Variants in ELF4 observed in about 807,000 individuals in gnomAD.
ELF4 encodes E74 like ETS transcription factor 4.
ELF4 carries 10 observed loss-of-function variants against 31.7 expected under a neutral mutation model. The ratio of observed to expected loss-of-function variants is 0.32; its 90% CI spans 0.19 to 0.54. The LOEUF is 0.54. ELF4 is among the 20% of genes least tolerant of loss of function. The probability of loss-of-function intolerance (pLI) is 0.95; values close to 1 mark genes in which losing one functional copy is unlikely to be tolerated. For synonymous variants in ELF4, 208 were observed against 226.7 expected (o/e 0.92, Z 0.74); for missense variants, 418 against 522.0 (o/e 0.80, Z 1.94).
intron 7 of ELF4, among the ~76,000 whole-genome samples, chrX:130,070,265 G>A (rs768977065): frequency 2.6e-3 from 290 of 109,976 alleles, no homozygotes; most frequent in African/African-American, 9.2e-3. Flanking sequence ...GTGAAACCCC[G>A]TCTCTATTAA....
At chrX:130,067,562 G>C in intron 8 of ELF4, 37 bp from the exon 9 acceptor site, 2 of 1,175,996 alleles carry the variant, frequency 1.7e-6, no homozygotes, top group Non-Finnish European at 2.3e-6. Flanking sequence ...GTTAAGGCAG[G>C]AAGTGTCCCT....
chrX:130,101,735 G>C (rs1277552497), intron 1 of ELF4, among the ~76,000 whole-genome samples: 1 of 110,654 alleles, frequency 9.0e-6, no homozygotes, highest in East Asian at 2.8e-4. Flanking sequence ...GGAGGCAGAG[G>C]TTGCAGTGAG....
At chrX:130,105,558 G>A (rs1443581193) in intron 1 of ELF4, among the ~76,000 whole-genome samples, 1 of 111,857 alleles carries the variant, frequency 8.9e-6, no homozygotes, top group Non-Finnish European at 1.9e-5. Context: ...CTTCCTCCAT[G>A]TCCAGCCTTG....
chrX:130,092,735 G>A (rs1008541770), intron 1 of ELF4, among the ~76,000 whole-genome samples: 1 of 111,826 alleles, frequency 8.9e-6, no homozygotes, highest in African/African-American at 3.3e-5. Context: ...AATGAAGCAA[G>A]AGGATGAGAG....
intron 1 of ELF4, among the ~76,000 whole-genome samples, chrX:130,086,836 G>A (rs1932969167): frequency 8.9e-6 from 1 of 112,510 alleles, no homozygotes. Flanking sequence ...ACTGGCTCCA[G>A]AATACACAGG....
chrX:130,094,927 G>A (rs767211902), intron 1 of ELF4, among the ~76,000 whole-genome samples: 5 of 111,506 alleles, frequency 4.5e-5, no homozygotes, highest in Non-Finnish European at 9.4e-5. Context: ...GCCAGCTCAG[G>A]GTGAGCACTT....
chrX:130,089,733 G>T (rs1203779931), intron 1 of ELF4, among the ~76,000 whole-genome samples: 2 of 110,905 alleles, frequency 1.8e-5, no homozygotes, highest in African/African-American at 6.6e-5. Context: ...TTGTCTCCTG[G>T]CATCCTCAAA....
chrX:130,110,518 G>A (rs1228070603), upstream of ELF4: 1 of 108,242 alleles, frequency 9.2e-6, no homozygotes, highest in African/African-American at 3.3e-5. Context: ...CGCGGCGCCC[G>A]GTCGGTCCCC....
At chrX:130,091,435 T>C (rs1003328431) in intron 1 of ELF4, among the ~76,000 whole-genome samples, 8 of 111,559 alleles carry the variant, frequency 7.2e-5, no homozygotes. Flanking sequence ...CTCAAAAAAA[T>C]ATATATTTTT....
In ELF4 at chrX:130,066,570, CCA is replaced by C. The variant is rs1376649338; in HGVS notation, c.*149_*150del. On this transcript the variant is annotated 3_prime_UTR_variant, in exon 9 of 9. Transcript: ENST00000308167. ...GATGCTTAAGCTGGGCACTGTTTGG[CCA>C]CAGTGACACCAGGCAGGGCCGGGGG... The C allele has an allele frequency of 1.7e-6, 1 of 594,587 alleles. No individual in the cohort carries two copies. The highest frequency in any genetic ancestry group is 2.8e-6 in the Non-Finnish European group (1 of 363,152). The allele number at this position is 594,587 out of a possible 1,213,427, so 49.0% of individuals were successfully genotyped here.
intron 2 of ELF4, among the ~76,000 whole-genome samples, chrX:130,075,324 T>G (rs1932824705): frequency 9.7e-6 from 1 of 102,998 alleles, no homozygotes; most frequent in African/African-American, 3.6e-5. Flanking sequence ...TCGCCCAGGC[T>G]GGAGGGCAGT....
intron 1 of ELF4, among the ~76,000 whole-genome samples, chrX:130,084,656 G>A (rs1932935606): frequency 9.0e-6 from 1 of 111,501 alleles, no homozygotes; most frequent in Non-Finnish European, 1.9e-5. Context: ...AAGGGGTGGA[G>A]GGGGAGGAAG....
At chrX:130,080,172 A>G (rs1014222072) in intron 2 of ELF4, among the ~76,000 whole-genome samples, 3 of 111,585 alleles carry the variant, frequency 2.7e-5, no homozygotes, top group African/African-American at 9.8e-5. Flanking sequence ...CTGTAATCCT[A>G]GCAGTTTGGG....
chrX:130,081,304 G>T lies in ELF4; in HGVS notation c.27C>A (p.Asp9Glu), dbSNP rs774036747. The T allele has an allele frequency of 1.7e-6, 2 of 1,210,849 alleles. No individual in the cohort carries two copies. Among genetic ancestry groups the T allele is most frequent in the South Asian group, 1.8e-5 (1 of 56,913 alleles). MAITLQPS[D>E]LIFEFASNGM... The stretch of plus-strand genomic sequence containing the variant: ...CGTTGCTTGCGAACTCAAAGATCAG[G>T]TCACTGGGCTGTAGGGTAATAGCCA... The change falls in exon 2 of 9, where the codon GAC (aspartate) becomes GAA (glutamate). Residue 9 changes from aspartate to glutamate, a missense_variant. This residue lies in a region of ELF4 where 35 missense variants were observed against 76.4 expected (regional missense o/e 0.46). Coordinates refer to ENST00000308167, the MANE Select transcript of ELF4 (RefSeq NM_001421.4).
rs1932677971 is a variant in ELF4, at chrX:130,066,611, T to C, written c.*110A>G. 2.4e-6 allele frequency: 2 copies of C among 846,933 alleles called. No individual in the cohort carries two copies. Among genetic ancestry groups the C allele is most frequent in the Non-Finnish European group, 3.5e-6 (2 of 579,680 alleles). 69.8% of individuals were successfully genotyped at this position (846,933 alleles called of 1,213,427 possible). On this transcript the variant is annotated 3_prime_UTR_variant, in exon 9 of 9. Transcript: ENST00000308167. ...CAGGGCCGGGGGACTTGGGGTCAAG[T>C]GTATTGACATCCCACTGAAATGCAG...
In ELF4 at chrX:130,067,974, G is replaced by A. The variant is rs764293256; in HGVS notation, c.1188-449C>T. On this transcript the variant is annotated intron_variant, in intron 8 of 8. Coordinates refer to ENST00000308167, the MANE Select transcript of ELF4 (RefSeq NM_001421.4). ...ATTATAGGCGAGCACCACTACACCC[G>A]GCTAATTTTGTATTTTTAGTAGAGA... Among the ~76,000 whole-genome samples, 29 of 111,156 alleles carry A rather than the reference G, an allele frequency of 2.6e-4. No homozygotes were observed. The South Asian group carries it at 4.6e-3, about 17-fold the overall frequency.
chrX:130,098,476 C>A (rs1933189734), intron 1 of ELF4, among the ~76,000 whole-genome samples: 1 of 111,500 alleles, frequency 9.0e-6, no homozygotes, highest in African/African-American at 3.3e-5. Context: ...AAAGGTGGGG[C>A]TGAATGAGGG....
chrX:130,081,063 C>T (rs1158741046), intron 2 of ELF4, among the ~76,000 whole-genome samples, 193 bp downstream of exon 2: 2 of 112,833 alleles, frequency 1.8e-5, no homozygotes, highest in Admixed American at 1.9e-4. Flanking sequence ...TCCAGACCAG[C>T]CTCATGAGTG....
In ELF4 at chrX:130,067,269, T is replaced by A; in HGVS notation, c.1444A>T (p.Ile482Phe). The A allele has an allele frequency of 8.3e-7, 1 of 1,211,913 alleles. No individual in the cohort carries two copies. The highest frequency in any genetic ancestry group is 1.1e-6 in the Non-Finnish European group (1 of 895,436). The part of the protein sequence containing the change: ...SQVAAPGAPL[I>F]LSGLPQLLAG... ...AGAAGTTGGGGGAGGCCACTGAGAA[T>A]CAGTGGAGCCCCTGGGGCTGCCACC... is the stretch of plus-strand genomic sequence containing the variant. Residue 482 changes from isoleucine (I) to phenylalanine (F), a missense_variant, in exon 9 of 9, where the codon ATT (isoleucine) becomes TTT (phenylalanine). By Grantham distance (21) the Ile-to-Phe change is conservative. Transcript: ENST00000308167.
Sources: allele counts gnomAD v4.1 joint callset (sites outside exome capture counted in the v4.1 genomes callset), GRCh38; gene constraint gnomAD v4.1.1; regional missense constraint gnomAD v4.1.1; transcripts MANE v1.5; gene names NCBI Gene and HGNC (gene_info 2026-07-23, HGNC 2026-07-21).